The following CNTN4 variants were observed in gnomAD, a reference collection of about 807,000 sequenced individuals.
CNTN4 encodes contactin 4, also known as contactin-4.
Under a neutral mutation model 122.5 loss-of-function variants are expected in CNTN4, and 77 were observed. That is an observed-to-expected ratio of 0.63 (90% confidence interval 0.52 to 0.76). CNTN4 has a LOEUF of 0.76. Ranked by LOEUF, CNTN4 falls within the 30% of genes least tolerant of loss-of-function variation. The pLI is 0.00. For missense variants in CNTN4, 1,256 were observed against 1,259.1 expected (o/e 1.00, Z 0.04); for synonymous variants, 512 against 447.0 (o/e 1.15, Z -1.83).
intron 12 of CNTN4, among the ~76,000 whole-genome samples, chr3:2,915,324 C>A (rs1559658267): frequency 6.6e-6 from 1 of 152,198 alleles, no homozygotes; most frequent in Admixed American, 6.5e-5. Flanking sequence ...CCTTGGCCTC[C>A]CAAAGTGCTG....
intron 2 of CNTN4, among the ~76,000 whole-genome samples, chr3:2,265,266 G>C (rs1259662139): frequency 6.6e-6 from 1 of 152,064 alleles, no homozygotes; most frequent in African/African-American, 2.4e-5. Flanking sequence ...TGATTGATAA[G>C]CATTTGGGCT....
intron 8 of CNTN4, among the ~76,000 whole-genome samples, chr3:2,873,696 A>G (rs1429475413): frequency 6.6e-6 from 1 of 152,188 alleles, no homozygotes; most frequent in East Asian, 1.9e-4. Flanking sequence ...CTTCATGAAA[A>G]GGGAGCTTTA....
chr3:2,875,349 T>C (rs557586634), intron 8 of CNTN4, among the ~76,000 whole-genome samples: 5 of 152,348 alleles, frequency 3.3e-5, no homozygotes, highest in African/African-American at 1.2e-4. Flanking sequence ...GTACTGTTAT[T>C]CTTGTGATTC....
chr3:3,055,777 AAGAT>A (rs748621327), intron 24 of CNTN4, among the ~76,000 whole-genome samples: 1 of 152,226 alleles, frequency 6.6e-6, no homozygotes, highest in Non-Finnish European at 1.5e-5. Flanking sequence ...GCCCAGCAGA[AAGAT>A]AGAGTTCAAA....
chr3:2,319,591 G>T (rs2043214331), intron 2 of CNTN4, among the ~76,000 whole-genome samples: 1 of 28,882 alleles, frequency 3.5e-5, no homozygotes. Flanking sequence ...TCCACCTAAT[G>T]AAAAGTAAAT....
chr3:2,693,870 TG>T (rs2085873203), intron 4 of CNTN4, among the ~76,000 whole-genome samples: 1 of 152,160 alleles, frequency 6.6e-6, no homozygotes, highest in South Asian at 2.1e-4. Context: ...CCTTCCGAGT[TG>T]CTGGGCCCCA....
rs55760208 is a variant in CNTN4 at position 2,108,165 on chromosome 3, CTTTTTT to C, written c.-145+7539_-145+7544del. Among the ~76,000 whole-genome samples, 34 of 124,058 alleles carry C rather than the reference CTTTTTT, an allele frequency of 2.7e-4. No individual in the cohort carries two copies. The East Asian group carries it at 2.8e-3, about 10-fold the overall frequency. 81.4% of individuals were successfully genotyped at this position (124,058 alleles called of 152,430 possible). A position where few individuals can be genotyped will look rare whatever the true frequency, so the allele number is the denominator to read the frequency against. ...TCCTGGAACTTTTCATGTGCCTTTT[CTTTTTT>C]TTTTTTTTTTTTCATGACTGTTTAC... On this transcript the variant is annotated intron_variant, in intron 2 of 24. Coordinates refer to ENST00000418658, the MANE Select transcript of CNTN4 (RefSeq NM_175607.3).
rs138311620 is a variant in CNTN4, at chr3:2,897,879, A to T, written c.941-2806A>T. 6.5e-3 allele frequency among the ~76,000 whole-genome samples: 991 copies of T among 152,232 alleles called. 30 individuals carry two copies. The highest frequency in any genetic ancestry group is 0.028 in the East Asian group (146 of 5,184). On this transcript the variant is annotated intron_variant, in intron 10 of 24. Coordinates refer to ENST00000418658, the MANE Select transcript of CNTN4 (RefSeq NM_175607.3). ...CTGTGTTTAGACATGGAGTTGTAAA[A>T]TATAGTTGAACCTTGATATTAGGCG...
intron 4 of CNTN4, among the ~76,000 whole-genome samples, chr3:2,703,243 G>A (rs899916410): frequency 7.0e-4 from 107 of 152,120 alleles, no homozygotes; most frequent in Non-Finnish European, 1.9e-4. Flanking sequence ...ATAGTACCTG[G>A]TGCAGAGCTA....
intron 8 of CNTN4, among the ~76,000 whole-genome samples, chr3:2,875,046 G>A (rs759362286): frequency 1.9e-4 from 29 of 152,150 alleles, no homozygotes; most frequent in African/African-American, 6.7e-4. Flanking sequence ...GCAGTGGTGC[G>A]ATGTCAGCTC....
At chr3:2,224,356 A>T (rs979231484) in intron 2 of CNTN4, among the ~76,000 whole-genome samples, 2 of 152,134 alleles carry the variant, frequency 1.3e-5, no homozygotes, top group African/African-American at 4.8e-5. Flanking sequence ...AGTTCCTAAT[A>T]GGCATCCCTG....
chr3:2,921,265 G>A (rs1032469192), intron 12 of CNTN4, among the ~76,000 whole-genome samples: 23 of 152,272 alleles, frequency 1.5e-4, no homozygotes, highest in African/African-American at 5.5e-4. Flanking sequence ...TTGAACTCCT[G>A]GTTTCGAGTG....
At chr3:2,606,997 T>C (rs2149791963) in intron 4 of CNTN4, among the ~76,000 whole-genome samples, 1 of 152,320 alleles carries the variant, frequency 6.6e-6, no homozygotes, top group South Asian at 2.1e-4. Flanking sequence ...TGTGATGTCC[T>C]TGTGCTTCGC....
At chr3:2,888,486 G>A (rs931745374) in intron 10 of CNTN4, among the ~76,000 whole-genome samples, 4 of 152,054 alleles carry the variant, frequency 2.6e-5, no homozygotes, top group African/African-American at 4.8e-5. Flanking sequence ...GGGGTTTCAT[G>A]TCCTCTGGTC....
intron 14 of CNTN4, chr3:2,999,294 C>A (rs888698761): frequency 1.3e-5 from 2 of 152,052 alleles, no homozygotes; most frequent in African/African-American, 2.4e-5. Flanking sequence ...ATCAGCAAAA[C>A]AAAACAAAAA....
rs189231104 is a variant in CNTN4 at position 2,663,507 on chromosome 3, G to T, written c.56-72708G>T. ...TGGTAAGTGGGAGGAACTCATAAGG[G>T]TCTGAAGTATAGGAAGGAGGTTGAA... On this transcript the variant is annotated intron_variant, in intron 4 of 24. Transcript: ENST00000418658. Among the ~76,000 whole-genome samples the T allele has an allele frequency of 1.8e-3, 272 of 152,254 alleles. 1 individual carries two copies. The highest frequency in any genetic ancestry group is 2.5e-3 in the East Asian group (13 of 5,176).
chr3:2,806,463 C>T (rs1224595942), intron 6 of CNTN4, among the ~76,000 whole-genome samples: 1 of 152,164 alleles, frequency 6.6e-6, no homozygotes, highest in African/African-American at 2.4e-5. Flanking sequence ...AACTGAAATC[C>T]TCTGGCTTCC....
chr3:2,440,328 C>T (rs1246708307), intron 3 of CNTN4, among the ~76,000 whole-genome samples: 1 of 152,140 alleles, frequency 6.6e-6, no homozygotes, highest in African/African-American at 2.4e-5. Context: ...TCACACTGAC[C>T]TCAGATCCAT....
At chr3:2,902,369 C>G (rs1222639210) in intron 11 of CNTN4, among the ~76,000 whole-genome samples, 2 of 152,086 alleles carry the variant, frequency 1.3e-5, no homozygotes, top group South Asian at 4.1e-4. Context: ...GAATATTAAA[C>G]TATTAATACC....
Sources: gnomAD v4.1 joint callset for allele counts (sites outside exome capture counted in the v4.1 genomes callset) on GRCh38, gnomAD v4.1.1 for gene constraint, MANE v1.5 for transcripts, NCBI Gene and HGNC (gene_info 2026-07-23, HGNC 2026-07-21) for gene names.